Variants in PALM2AKAP2 observed in about 807,000 individuals in gnomAD.
PALM2AKAP2 encodes PALM2-AKAP2 fusion protein.
A neutral mutation model predicts 71.5 loss-of-function variants in PALM2AKAP2; 37 were observed. The ratio of observed to expected loss-of-function variants is 0.52; its 90% confidence interval spans 0.40 to 0.68. The LOEUF (loss-of-function observed/expected upper bound fraction) is 0.68, where lower values mean the gene tolerates loss of function less well. Among genes scored for constraint, PALM2AKAP2 ranks in the 30% least tolerant of loss-of-function variants. The pLI is 0.00. For synonymous variants in PALM2AKAP2, 468 were observed against 478.8 expected (o/e 0.98, Z 0.29); for missense variants, 1,224 against 1,191.8 (o/e 1.03, Z -0.40).
At chr9:109,926,253 A>G (rs1830953891) in intron 5 of PALM2AKAP2, among the ~76,000 whole-genome samples, 1 of 152,216 alleles carries the variant, frequency 6.6e-6, no homozygotes, top group Admixed American at 6.5e-5. Flanking sequence ...AAAACAAACA[A>G]ACAAACAAAC....
intron 2 of PALM2AKAP2, among the ~76,000 whole-genome samples, chr9:110,144,133 ATGAGGCACAGTTTCATT>A (rs1836103941): frequency 6.6e-6 from 1 of 152,214 alleles, no homozygotes; most frequent in Non-Finnish European, 1.5e-5. Context: ...TTAGAGCCAC[ATGAGGCACAGTTTCATT>A]TGAGGTGCCC....
chr9:109,826,116 A>C (rs2131513838), intron 1 of PALM2AKAP2, among the ~76,000 whole-genome samples: 1 of 152,198 alleles, frequency 6.6e-6, no homozygotes, highest in South Asian at 2.1e-4. Flanking sequence ...TCGCAAGGAC[A>C]AAAAACCAAA....
intron 6 of PALM2AKAP2, chr9:109,942,909 T>G (rs766677510): frequency 6.2e-7 from 1 of 1,614,190 alleles, no homozygotes; most frequent in South Asian, 1.1e-5. Flanking sequence ...TTCAGAAGGC[T>G]GGACAATCAA....
intron 1 of PALM2AKAP2, among the ~76,000 whole-genome samples, chr9:109,793,554 AT>A (rs1423611640): frequency 6.6e-6 from 1 of 152,166 alleles, no homozygotes; most frequent in Admixed American, 6.5e-5. Context: ...TTGTTGTTTC[AT>A]TTTTCCATTT....
chr9:109,809,321 G>T (rs925857109), intron 1 of PALM2AKAP2, among the ~76,000 whole-genome samples: 2 of 152,180 alleles, frequency 1.3e-5, no homozygotes, highest in Admixed American at 6.5e-5. Flanking sequence ...CAAGGCCATG[G>T]GAACCCACCT....
intron 7 of PALM2AKAP2, among the ~76,000 whole-genome samples, chr9:110,019,037 C>T (rs1348497654): frequency 2.6e-5 from 4 of 151,920 alleles, no homozygotes; most frequent in East Asian, 3.9e-4. Context: ...GTCAGGAGAT[C>T]GAGACCATCC....
At chr9:109,877,121 C>T (rs1381900509) in intron 2 of PALM2AKAP2, among the ~76,000 whole-genome samples, 1 of 152,148 alleles carries the variant, frequency 6.6e-6, no homozygotes, top group Non-Finnish European at 1.5e-5. Flanking sequence ...GGCTGCTTTT[C>T]CAGAAGGGTC....
At chr9:110,099,458 C>T (rs1029207818) in intron 1 of PALM2AKAP2, among the ~76,000 whole-genome samples, 2 of 152,128 alleles carry the variant, frequency 1.3e-5, no homozygotes, top group African/African-American at 2.4e-5. Context: ...TTTTTCTGGG[C>T]GGTCTGAGCA....
chr9:109,994,442 A>G (rs1386760583), intron 6 of PALM2AKAP2, among the ~76,000 whole-genome samples: 1 of 152,192 alleles, frequency 6.6e-6, no homozygotes, highest in African/African-American at 2.4e-5. Flanking sequence ...TCATACAAGC[A>G]CTCTTGAATT....
chr9:110,021,174 A>G (rs185707449), intron 7 of PALM2AKAP2, among the ~76,000 whole-genome samples: 74 of 152,302 alleles, frequency 4.9e-4, no homozygotes, highest in African/African-American at 1.7e-3. Context: ...AAATCCAATG[A>G]CACATGTCCT....
chr9:109,697,308 A>G (rs1051463517), intron 1 of PALM2AKAP2, among the ~76,000 whole-genome samples: 1 of 152,214 alleles, frequency 6.6e-6, no homozygotes, highest in Non-Finnish European at 1.5e-5. Context: ...GCAATTTACA[A>G]ATATAGTTGA....
chr9:109,982,545 C>T (rs552184414), intron 6 of PALM2AKAP2, among the ~76,000 whole-genome samples: 7 of 152,276 alleles, frequency 4.6e-5, no homozygotes, highest in African/African-American at 1.7e-4. Flanking sequence ...GATTATTTCG[C>T]ATCGTATGCC....
intron 1 of PALM2AKAP2, among the ~76,000 whole-genome samples, chr9:110,128,764 T>C (rs1435434967): frequency 6.6e-6 from 1 of 152,164 alleles, no homozygotes; most frequent in Non-Finnish European, 1.5e-5. Context: ...AACATTGTCC[T>C]TGTGGTGAAG....
intron 6 of PALM2AKAP2, among the ~76,000 whole-genome samples, chr9:109,939,053 A>T (rs1831295760): frequency 1.3e-5 from 2 of 152,052 alleles, no homozygotes. Context: ...AATAAAAAAT[A>T]AATAAAAGGG....
At chr9:109,995,409 G>A (rs1238482518) in intron 6 of PALM2AKAP2, among the ~76,000 whole-genome samples, 1 of 152,222 alleles carries the variant, frequency 6.6e-6, no homozygotes, top group Non-Finnish European at 1.5e-5. Flanking sequence ...AGAAATGCAA[G>A]GAATGCAGTT....
chr9:110,130,588 A>G (rs930955750), intron 1 of PALM2AKAP2, among the ~76,000 whole-genome samples: 60 of 152,218 alleles, frequency 3.9e-4, no homozygotes, highest in African/African-American at 1.4e-3. Flanking sequence ...AAACATTTAT[A>G]AAAAATGCTA....
intron 6 of PALM2AKAP2, among the ~76,000 whole-genome samples, chr9:109,977,276 C>A (rs1832189232): frequency 6.6e-6 from 1 of 152,172 alleles, no homozygotes. Flanking sequence ...GTATATAGAT[C>A]AGGATCCACT....
At chr9:110,019,560 C>T (rs1333873828) in intron 7 of PALM2AKAP2, among the ~76,000 whole-genome samples, 2 of 152,158 alleles carry the variant, frequency 1.3e-5, no homozygotes, top group African/African-American at 2.4e-5. Flanking sequence ...TGTTCATCAG[C>T]GGTAGACTGG....
chr9:109,904,988 T>G (rs1830414424), intron 3 of PALM2AKAP2, among the ~76,000 whole-genome samples: 1 of 152,212 alleles, frequency 6.6e-6, no homozygotes, highest in South Asian at 2.1e-4. Flanking sequence ...CTTTGATCCC[T>G]GCGTGTGAAT....
Sources: allele counts gnomAD v4.1 joint callset (sites outside exome capture counted in the v4.1 genomes callset), GRCh38; gene constraint gnomAD v4.1.1; transcripts MANE v1.5; gene names NCBI Gene and HGNC (gene_info 2026-07-23, HGNC 2026-07-21).